TNIP3: variants seen among roughly 807,000 people sequenced by gnomAD.
The protein encoded by TNIP3 is TNFAIP3-interacting protein 3.
TNIP3 carries 34 observed loss-of-function variants against 54.1 expected under a neutral mutation model. The ratio of observed to expected loss-of-function variants is 0.63; its 90% CI spans 0.48 to 0.84. The LOEUF (loss-of-function observed/expected upper bound fraction) is 0.84. TNIP3 is among the 40% of genes least tolerant of loss of function. The pLI is 0.00. For missense variants in TNIP3, 366 were observed against 387.6 expected, an observed-to-expected ratio of 0.94 and a Z score of 0.47; for synonymous variants, 134 against 136.8, an observed-to-expected ratio of 0.98 and a Z score of 0.14.
intron 5 of TNIP3, 121 bp downstream of exon 5, chr4:121,154,430 C>A: frequency 1.6e-6 from 2 of 1,248,110 alleles, no homozygotes; most frequent in African/African-American, 3.0e-5. Flanking sequence ...CAGATAATTT[C>A]TTGTGCAAGC....
Position 121,182,646 on chromosome 4 carries a change from G to C in TNIP3, c.189+30C>G, listed in dbSNP as rs749063486. 5 of 1,532,528 alleles carry C rather than the reference G, an allele frequency of 3.3e-6. No homozygotes were observed. The African/African-American group carries it at 6.9e-5, about 21-fold the overall frequency. The allele number at this position is 1,532,528 out of a possible 1,614,324, so 94.9% of individuals were successfully genotyped here. A position where few individuals can be genotyped will look rare whatever the true frequency, so the allele number is the denominator to read the frequency against. ...TGAATAAACTGCTGAAGGGTACATC[G>C]AGATAAGGAGAAAAAAGGTGTTTTC... On this transcript the variant is annotated intron_variant, in intron 3 of 12. Transcript: ENST00000507879.
chr4:121,151,606 A>G (rs1430801440), intron 5 of TNIP3, among the ~76,000 whole-genome samples: 1 of 151,188 alleles, frequency 6.6e-6, no homozygotes, highest in Non-Finnish European at 1.5e-5. Context: ...TTTTTTTTTC[A>G]ATTGGTGAAT....
Position 121,161,175 on chromosome 4 carries a change from A to C in TNIP3, c.108T>G (p.Leu36=). ...PSTRKNLMNS[L]EQKIRCLEKQ... is the part of the protein sequence containing the mutation. ...TTTCCAAACACCTTATCTTTTGTTC[A>C]AGAGAATTCATCAAGTTCTTTCTTG... is the stretch of plus-strand genomic sequence containing the variant. The change falls in exon 2 of 11, where the codon CTT becomes CTG. Residue 36 remains leucine, a synonymous_variant. Transcript: ENST00000057513. The C allele has an allele frequency of 6.3e-7, 1 of 1,588,320 alleles. No homozygotes were observed. The highest frequency in any genetic ancestry group is 8.6e-7 in the Non-Finnish European group (1 of 1,164,186).
chr4:121,176,511 CATTATGATGATGATGATG>C lies in TNIP3; in HGVS notation c.189+6147_189+6164del, dbSNP rs1329517283. On this transcript the variant is annotated intron_variant, in intron 3 of 12. Coordinates refer to the TNIP3 transcript ENST00000507879. ...TTGAGGCTCAAGCTCATCCTACTAG[CATTATGATGATGATGATG>C]ATGATGATGATGATGATGATGATGA... Among the ~76,000 whole-genome samples, 19 of 116,386 alleles carry C rather than the reference CATTATGATGATGATGATG, an allele frequency of 1.6e-4. 1 individual carries two copies. The highest frequency in any genetic ancestry group is 1.2e-3 in the Admixed American group (13 of 10,596). 76.4% of individuals were successfully genotyped at this position (116,386 alleles called of 152,430 possible).
At chr4:121,222,689 G>A (rs1488107368) in intron 1 of TNIP3, among the ~76,000 whole-genome samples, 1 of 151,802 alleles carries the variant, frequency 6.6e-6, no homozygotes, top group Non-Finnish European at 1.5e-5. Context: ...TGGAAAGCCT[G>A]TAGAGAAAGC....
At chr4:121,152,962 A>C (rs536751312) in intron 5 of TNIP3, among the ~76,000 whole-genome samples, 1 of 152,196 alleles carries the variant, frequency 6.6e-6, no homozygotes, top group African/African-American at 2.4e-5. Flanking sequence ...TAAAGTCATA[A>C]AAGTTAGACA....
At position 121,141,181 on chromosome 4, in the gene TNIP3, G is replaced by A. The variant is rs376172189; in HGVS notation, c.885+635C>T. 4.6e-5 allele frequency among the ~76,000 whole-genome samples: 7 copies of A among 152,258 alleles called. No individual in the cohort carries two copies. The South Asian group carries it at 1.5e-3, about 32-fold the overall frequency. On this transcript the variant is annotated intron_variant, in intron 9 of 10. Coordinates refer to ENST00000057513, the MANE Select transcript of TNIP3 (RefSeq NM_024873.6). ...CTATGTAGGCAAAATAAAAAGTAGA[G>A]GAGGGTAGGTGGAATACTGCTATTG... is the stretch of plus-strand genomic sequence containing the variant.
intron 5 of TNIP3, among the ~76,000 whole-genome samples, chr4:121,153,614 A>C (rs1487089091): frequency 6.6e-6 from 1 of 152,220 alleles, no homozygotes; most frequent in Non-Finnish European, 1.5e-5. Context: ...CTGAAGAATA[A>C]CTTGTCCCAC....
intron 2 of TNIP3, among the ~76,000 whole-genome samples, chr4:121,211,894 A>T (rs913380877): frequency 2.0e-5 from 3 of 152,218 alleles, no homozygotes; most frequent in Admixed American, 2.0e-4. Context: ...ACAGACCTCC[A>T]AGCAAGCTCT....
Position 121,147,315 on chromosome 4 carries a change from A to C in TNIP3, c.610-141T>G, listed in dbSNP as rs2148802636. Reference sequence around the variant, plus strand: ...GTGTTCAGTGTCACTGTTTTGGAGCAAGTCATCCATCCCTAACACAAGGGC... The same window carrying C: ...GTGTTCAGTGTCACTGTTTTGGAGCCAGTCATCCATCCCTAACACAAGGGC... On this transcript the variant is annotated intron_variant, in intron 6 of 10. Coordinates refer to ENST00000057513, the MANE Select transcript of TNIP3 (RefSeq NM_024873.6). The C allele has an allele frequency of 5.0e-6, 5 of 1,001,356 alleles. No homozygotes were observed. The South Asian group carries it at 1.1e-4, about 22-fold the overall frequency. 62.0% of individuals were successfully genotyped at this position (1,001,356 alleles called of 1,614,324 possible). A position where few individuals can be genotyped will look rare whatever the true frequency, so the allele number is the denominator to read the frequency against.
chr4:121,156,610 T>TA (rs1452253821), intron 4 of TNIP3, among the ~76,000 whole-genome samples: 2 of 152,178 alleles, frequency 1.3e-5, no homozygotes, highest in Non-Finnish European at 2.9e-5. Flanking sequence ...ACGAAGGCTT[T>TA]AAAAAATGTC....
At chr4:121,150,007 C>T (rs1423464131) in intron 6 of TNIP3, 96 bp downstream of exon 6, 1 of 730,840 alleles carries the variant, frequency 1.4e-6, no homozygotes, top group East Asian at 2.5e-5. Context: ...AAACCTTTGA[C>T]ATATTTCTAG....
At chr4:121,178,470 T>C (rs1724489785) in intron 3 of TNIP3, among the ~76,000 whole-genome samples, 1 of 152,184 alleles carries the variant, frequency 6.6e-6, no homozygotes, top group South Asian at 2.1e-4. Context: ...TTGGTTGCAT[T>C]TGGAGTTCTC....
chr4:121,178,510 G>A (rs1724492543), intron 3 of TNIP3, among the ~76,000 whole-genome samples: 1 of 152,172 alleles, frequency 6.6e-6, no homozygotes, highest in Non-Finnish European at 1.5e-5. Context: ...AGCACACTTG[G>A]CACAGTGAGT....
At chr4:121,199,806 G>C (rs1233114053) in intron 2 of TNIP3, among the ~76,000 whole-genome samples, 1 of 152,330 alleles carries the variant, frequency 6.6e-6, no homozygotes, top group East Asian at 1.9e-4. Flanking sequence ...AGTGGCATCA[G>C]AGTAGGTAAC....
chr4:121,225,089 G>C (rs565154633), intron 1 of TNIP3, among the ~76,000 whole-genome samples: 3 of 152,272 alleles, frequency 2.0e-5, no homozygotes, highest in Admixed American at 6.5e-5. Context: ...TAACTATACT[G>C]CTTAAGACTA....
chr4:121,216,121 A>G (rs1726776827), intron 2 of TNIP3, among the ~76,000 whole-genome samples: 1 of 152,158 alleles, frequency 6.6e-6, no homozygotes, highest in Admixed American at 6.5e-5. Flanking sequence ...AATTTGTGCA[A>G]TTACAGAAAA....
chr4:121,161,233 G>A lies in TNIP3; in HGVS notation c.67-17C>T, dbSNP rs1391287913. On this transcript the variant is annotated splice_polypyrimidine_tract_variant and intron_variant, in intron 1 of 10. Coordinates refer to ENST00000057513, the MANE Select transcript of TNIP3 (RefSeq NM_024873.6). ...TTCAGCACACTTAGAAAAAAAAAAAGAGAGAAGATTGAAACAAAGCTGTTT... is the reference window on the plus strand; with the variant it reads ...TTCAGCACACTTAGAAAAAAAAAAAAAGAGAAGATTGAAACAAAGCTGTTT... 8.1e-6 allele frequency: 12 copies of A among 1,474,504 alleles called. No individual in the cohort carries two copies. Among genetic ancestry groups the A allele is most frequent in the Non-Finnish European group, 3.7e-6 (4 of 1,087,056 alleles). The allele number at this position is 1,474,504 out of a possible 1,614,324, so 91.3% of individuals were successfully genotyped here. A position where few individuals can be genotyped will look rare whatever the true frequency, so the allele number is the denominator to read the frequency against.
At chr4:121,205,932 G>A (rs535303930) in intron 2 of TNIP3, among the ~76,000 whole-genome samples, 1 of 152,270 alleles carries the variant, frequency 6.6e-6, no homozygotes, top group South Asian at 2.1e-4. Flanking sequence ...GGAAGGCGAA[G>A]GGGAAGAAAG....
Sources: allele counts gnomAD v4.1 joint callset (sites outside exome capture counted in the v4.1 genomes callset), GRCh38; gene constraint gnomAD v4.1.1; transcripts MANE v1.5; gene names NCBI Gene and HGNC (gene_info 2026-07-23, HGNC 2026-07-21).